Variants in CNTNAP2 observed in about 807,000 individuals in gnomAD.
CNTNAP2 encodes the protein contactin-associated protein-like 2.
In CNTNAP2, 98 loss-of-function variants were observed where a neutral mutation model predicts 155.2. That is an observed-to-expected ratio of 0.63 (90% CI 0.54 to 0.75). CNTNAP2 has a LOEUF of 0.75. Ranked by LOEUF, CNTNAP2 falls within the 30% of genes least tolerant of loss-of-function variation. The probability of loss-of-function intolerance (pLI) is 0.00; values close to 1 mark genes in which losing one functional copy is unlikely to be tolerated. For synonymous variants in CNTNAP2, 651 were observed against 631.2 expected (o/e 1.03, Z -0.47); for missense variants, 1,727 against 1,688.1 (o/e 1.02, Z -0.40).
intron 8 of CNTNAP2, among the ~76,000 whole-genome samples, chr7:147,226,734 C>T (rs113170209): frequency 3.3e-5 from 5 of 152,296 alleles, no homozygotes; most frequent in South Asian, 2.1e-4. Context: ...CAGAACTATC[C>T]TCTTCACTCT....
chr7:146,550,493 G>C (rs1271039406), intron 1 of CNTNAP2, among the ~76,000 whole-genome samples: 1 of 125,288 alleles, frequency 8.0e-6, no homozygotes, highest in Non-Finnish European at 1.6e-5. Context: ...GAAAAACATA[G>C]AGTTCCTGAT....
intron 21 of CNTNAP2, among the ~76,000 whole-genome samples, chr7:148,365,766 G>A (rs202131289): frequency 0.29 from 16,493 of 57,740 alleles, 6,046 homozygotes; most frequent in African/African-American, 0.56. Flanking sequence ...ATGTGTATAC[G>A]TGTATACATG....
intron 1 of CNTNAP2, among the ~76,000 whole-genome samples, chr7:146,546,213 G>A (rs1010627242): frequency 1.3e-5 from 2 of 151,908 alleles, no homozygotes; most frequent in South Asian, 4.1e-4. Context: ...ATTCTGAAAT[G>A]TGACTGATAG....
rs1797904393 is a variant in CNTNAP2, at chr7:146,538,557, A to G, written c.98-235714A>G. On this transcript the variant is annotated intron_variant, in intron 1 of 23. Transcript: ENST00000361727. ...CACCTGGTTACATTCTGCTGCCCCAAGCAATGTGGCCAAGCCCATGTGGCT... is the reference window on the plus strand; with the variant it reads ...CACCTGGTTACATTCTGCTGCCCCAGGCAATGTGGCCAAGCCCATGTGGCT... Among the ~76,000 whole-genome samples the G allele has an allele frequency of 2.6e-5, 4 of 152,108 alleles. No individual in the cohort carries two copies. In the South Asian group the frequency reaches 8.3e-4, roughly 32 times the overall value.
intron 1 of CNTNAP2, among the ~76,000 whole-genome samples, chr7:146,721,798 A>ATGTGTGTGTGTGTGTGT (rs1801331421): frequency 7.9e-6 from 1 of 126,330 alleles, no homozygotes; most frequent in African/African-American, 3.5e-5. Flanking sequence ...CTACATATAT[A>ATGTGTGTGTGTGTGTGT]GACTATATAT....
At chr7:147,628,663 A>T (rs1563028918) in intron 12 of CNTNAP2, among the ~76,000 whole-genome samples, 1 of 152,190 alleles carries the variant, frequency 6.6e-6, no homozygotes, top group East Asian at 1.9e-4. Context: ...AAATTCTCCA[A>T]TTAAAAGATA....
intron 1 of CNTNAP2, among the ~76,000 whole-genome samples, chr7:146,442,590 T>C (rs989913925): frequency 6.6e-6 from 1 of 152,206 alleles, no homozygotes; most frequent in Non-Finnish European, 1.5e-5. Flanking sequence ...TGAAAGAGCC[T>C]GATGCCCCAC....
At chr7:146,819,926 G>A (rs902372365) in intron 2 of CNTNAP2, among the ~76,000 whole-genome samples, 1 of 152,014 alleles carries the variant, frequency 6.6e-6, no homozygotes, top group African/African-American at 2.4e-5. Flanking sequence ...TCCACCTCAG[G>A]CCAACTCACT....
intron 1 of CNTNAP2, among the ~76,000 whole-genome samples, chr7:146,346,654 G>T (rs1584880893): frequency 6.6e-6 from 1 of 152,158 alleles, no homozygotes; most frequent in East Asian, 1.9e-4. Context: ...TCCAGCCTGG[G>T]TGACAGAAGA....
chr7:147,338,728 A>T (rs187013455), intron 9 of CNTNAP2, among the ~76,000 whole-genome samples: 1 of 152,256 alleles, frequency 6.6e-6, no homozygotes, highest in African/African-American at 2.4e-5. Context: ...GTACAGGAAA[A>T]AAAACTCCAT....
intron 14 of CNTNAP2, among the ~76,000 whole-genome samples, chr7:147,957,751 T>A (rs1801043685): frequency 6.6e-6 from 1 of 152,094 alleles, no homozygotes; most frequent in African/African-American, 2.4e-5. Context: ...TAAATGGAAA[T>A]CAAATTGTAT....
At chr7:146,388,945 C>A (rs1230759271) in intron 1 of CNTNAP2, among the ~76,000 whole-genome samples, 1 of 152,086 alleles carries the variant, frequency 6.6e-6, no homozygotes, top group East Asian at 1.9e-4. Context: ...CAGAGACAAG[C>A]ATCTAGAGAG....
intron 9 of CNTNAP2, among the ~76,000 whole-genome samples, chr7:147,358,964 T>C (rs1289878732): frequency 6.6e-6 from 1 of 152,174 alleles, no homozygotes; most frequent in African/African-American, 2.4e-5. Flanking sequence ...TAGTGTTTTC[T>C]AAAGGGATTT....
At chr7:146,186,620 G>C (rs1798628205) in intron 1 of CNTNAP2, among the ~76,000 whole-genome samples, 1 of 152,000 alleles carries the variant, frequency 6.6e-6, no homozygotes, top group Admixed American at 6.6e-5. Flanking sequence ...TAGACTTTCT[G>C]TTGCCTTTAT....
chr7:148,066,190 ATGT>A (rs547643103), intron 15 of CNTNAP2, among the ~76,000 whole-genome samples: 170 of 152,296 alleles, frequency 1.1e-3, no homozygotes, highest in African/African-American at 4.0e-3. Flanking sequence ...AGGTTACCTG[ATGT>A]TTTTGCCTCA....
chr7:147,771,878 T>G (rs1442858538), intron 13 of CNTNAP2, among the ~76,000 whole-genome samples: 3 of 152,196 alleles, frequency 2.0e-5, no homozygotes, highest in Non-Finnish European at 4.4e-5. Flanking sequence ...CACAATATTC[T>G]TCTGTATTGA....
rs569364804 is a variant in CNTNAP2, at chr7:147,964,712, AT to A, written c.2256-13148del. ...TCTTGATTAACAGTGATGGATTTTT[AT>A]TGCCCCACTTCTGAGAGGAGGATTT... On this transcript the variant is annotated intron_variant, in intron 14 of 23. Coordinates refer to ENST00000361727, the MANE Select transcript of CNTNAP2 (RefSeq NM_014141.6). Among the ~76,000 whole-genome samples the A allele has an allele frequency of 1.7e-3, 262 of 152,250 alleles. 2 individuals are homozygous for A. Among genetic ancestry groups the A allele is most frequent in the Non-Finnish European group, 1.8e-3 (125 of 68,012 alleles).
intron 13 of CNTNAP2, among the ~76,000 whole-genome samples, chr7:147,729,354 T>C (rs1010660425): frequency 6.6e-6 from 1 of 151,640 alleles, no homozygotes; most frequent in Non-Finnish European, 1.5e-5. Flanking sequence ...TAAAGGTGAA[T>C]AAATCATCAT....
At chr7:147,655,366 G>T (rs149237760) in intron 13 of CNTNAP2, among the ~76,000 whole-genome samples, 2 of 150,816 alleles carry the variant, frequency 1.3e-5, no homozygotes, top group Admixed American at 6.6e-5. Context: ...CAGGTGATCC[G>T]CCCATCTTGG....
Sources: gnomAD v4.1 joint callset for allele counts (sites outside exome capture counted in the v4.1 genomes callset) on GRCh38, gnomAD v4.1.1 for gene constraint, MANE v1.5 for transcripts, NCBI Gene and HGNC (gene_info 2026-07-23, HGNC 2026-07-21) for gene names.